SUGCT: variants seen among roughly 807,000 people sequenced by gnomAD.
The protein encoded by SUGCT is succinyl-CoA:glutarate-CoA transferase, also known as succinyl-CoA:glutarate CoA-transferase.
Under a neutral mutation model 55.0 loss-of-function variants are expected in SUGCT, and 41 were observed. That is an observed-to-expected ratio of 0.74 (90% CI 0.58 to 0.97). The LOEUF is 0.97. SUGCT is among the 50% of genes least tolerant of loss of function. SUGCT has a pLI of 0.00. For synonymous variants in SUGCT, 187 were observed against 200.4 expected, an observed-to-expected ratio of 0.93 and a Z score of 0.56; for missense variants, 568 against 547.8, an observed-to-expected ratio of 1.04 and a Z score of -0.37.
At chr7:40,952,221 C>G in the SUGCT span, among the ~76,000 whole-genome samples, 1 of 152,090 alleles carries the variant, frequency 6.6e-6, no homozygotes, top group African/African-American at 2.4e-5. Context: ...TCTTCTTTGT[C>G]TCTTTTGATC....
intron 12 of SUGCT, among the ~76,000 whole-genome samples, chr7:40,710,467 A>C (rs1371852805): frequency 6.6e-6 from 1 of 152,082 alleles, no homozygotes; most frequent in Non-Finnish European, 1.5e-5. Context: ...AAGGCTGTTA[A>C]TGTTTTACCC....
chr7:40,469,650 CT>C (rs2151467332), intron 11 of SUGCT, among the ~76,000 whole-genome samples: 1 of 152,072 alleles, frequency 6.6e-6, no homozygotes, highest in South Asian at 2.1e-4. Flanking sequence ...TAGGAGAATT[CT>C]TTGTGACTGA....
chr7:40,821,177 T>G (rs1331410185), intron 13 of SUGCT, among the ~76,000 whole-genome samples: 1 of 152,222 alleles, frequency 6.6e-6, no homozygotes, highest in Non-Finnish European at 1.5e-5. Context: ...AGTATTTTAT[T>G]GAGGATTTTT....
At chr7:40,905,165 C>T in the SUGCT span, among the ~76,000 whole-genome samples, 4 of 152,096 alleles carry the variant, frequency 2.6e-5, no homozygotes, top group Non-Finnish European at 4.4e-5. Context: ...ATAAACTATT[C>T]GTATTGAGTA....
intron 12 of SUGCT, among the ~76,000 whole-genome samples, chr7:40,573,999 T>C (rs1336506189): frequency 2.6e-5 from 4 of 152,246 alleles, no homozygotes; most frequent in Admixed American, 2.0e-4. Context: ...TGAAACTGTG[T>C]TATTCTGAAG....
intron 12 of SUGCT, among the ~76,000 whole-genome samples, chr7:40,578,120 C>CA (rs1397926285): frequency 6.6e-6 from 1 of 152,158 alleles, no homozygotes; most frequent in East Asian, 1.9e-4. Flanking sequence ...TGTAATAACA[C>CA]AGATTGCGGG....
chr7:41,007,936 G>A, the SUGCT span, among the ~76,000 whole-genome samples: 1 of 151,806 alleles, frequency 6.6e-6, no homozygotes, highest in African/African-American at 2.4e-5. Flanking sequence ...CAAAATCTTG[G>A]GTGTATTCCA....
rs887608029 is a variant in SUGCT at position 40,187,498 on chromosome 7, C to T, written c.227-997C>T. Reference sequence around the variant, plus strand: ...ATGTCTCCCAAGCTGCAGGTTTTTCCAGTTTATGTCCTTTAACCATACATT... The same window carrying T: ...ATGTCTCCCAAGCTGCAGGTTTTTCTAGTTTATGTCCTTTAACCATACATT... On this transcript the variant is annotated intron_variant, in intron 3 of 13. Coordinates refer to ENST00000335693, the MANE Select transcript of SUGCT (RefSeq NM_001193313.2). Among the ~76,000 whole-genome samples the T allele has an allele frequency of 1.6e-4, 24 of 152,016 alleles. 1 individual carries two copies. The highest frequency in any genetic ancestry group is 3.1e-4 in the Non-Finnish European group (21 of 67,992).
At chr7:40,739,342 T>C (rs1388211049) in intron 12 of SUGCT, among the ~76,000 whole-genome samples, 1 of 152,214 alleles carries the variant, frequency 6.6e-6, no homozygotes, top group African/African-American at 2.4e-5. Flanking sequence ...AATGAAATCA[T>C]ATACTATGTA....
chr7:40,240,484 CA>C (rs5883724), intron 7 of SUGCT, among the ~76,000 whole-genome samples: 10,237 of 139,876 alleles, frequency 0.073, 661 homozygotes, highest in African/African-American at 0.18. Context: ...ACTCCATCTC[CA>C]AAAAAAAAAA....
chr7:40,989,313 A>G, the SUGCT span, among the ~76,000 whole-genome samples: 3 of 152,146 alleles, frequency 2.0e-5, no homozygotes, highest in African/African-American at 7.2e-5. Context: ...AAATTCTACC[A>G]CTGCTTTATC....
chr7:40,795,577 T>A (rs1790512106), intron 13 of SUGCT, among the ~76,000 whole-genome samples: 1 of 152,148 alleles, frequency 6.6e-6, no homozygotes. Context: ...AGTCAAAAAT[T>A]GATGCTTTTG....
chr7:40,380,281 A>T (rs1348917011), intron 9 of SUGCT, among the ~76,000 whole-genome samples: 1 of 152,068 alleles, frequency 6.6e-6, no homozygotes, highest in African/African-American at 2.4e-5. Flanking sequence ...AATGCCATAA[A>T]CTCAACTGTT....
the SUGCT span, among the ~76,000 whole-genome samples, chr7:40,928,631 G>A: frequency 6.9e-6 from 1 of 144,798 alleles, no homozygotes; most frequent in Admixed American, 6.9e-5. Context: ...ACGGAGTCTT[G>A]CTCCATCTCC....
At chr7:40,875,755 T>A in the SUGCT span, among the ~76,000 whole-genome samples, 1 of 152,322 alleles carries the variant, frequency 6.6e-6, no homozygotes, top group East Asian at 1.9e-4. Context: ...CCTGCAAAGA[T>A]GAGTCTGTGC....
At chr7:40,782,286 A>G (rs920695991) in intron 13 of SUGCT, among the ~76,000 whole-genome samples, 4 of 152,104 alleles carry the variant, frequency 2.6e-5, no homozygotes, top group Non-Finnish European at 5.9e-5. Context: ...ACATATCTAT[A>G]ATTTTTAAAT....
the SUGCT span, among the ~76,000 whole-genome samples, chr7:40,910,420 A>G: frequency 6.6e-6 from 1 of 152,288 alleles, no homozygotes; most frequent in African/African-American, 2.4e-5. Context: ...GTGCTGGGTC[A>G]AGAGATATTG....
chr7:40,193,287 T>C (rs1420798351), intron 5 of SUGCT, among the ~76,000 whole-genome samples: 1 of 138,920 alleles, frequency 7.2e-6, no homozygotes, highest in Non-Finnish European at 1.6e-5. Flanking sequence ...TGTGTTTTTT[T>C]TTTTTTTTTT....
At chr7:40,286,156 G>A (rs752730735) in intron 8 of SUGCT, among the ~76,000 whole-genome samples, 6 of 152,134 alleles carry the variant, frequency 3.9e-5, no homozygotes, top group Non-Finnish European at 8.8e-5. Flanking sequence ...AAGCCAGCAA[G>A]TTTCTTGCCT....
Sources: gnomAD v4.1 joint callset for allele counts (sites outside exome capture counted in the v4.1 genomes callset) on GRCh38, gnomAD v4.1.1 for gene constraint, MANE v1.5 for transcripts, NCBI Gene and HGNC (gene_info 2026-07-23, HGNC 2026-07-21) for gene names.